KIF14: variants seen among roughly 807,000 people sequenced by gnomAD.
The protein encoded by KIF14 is kinesin family member 14.
A neutral mutation model predicts 176.2 loss-of-function variants in KIF14; 98 were observed. The ratio of observed to expected loss-of-function variants is 0.56; its 90% confidence interval spans 0.47 to 0.66. The LOEUF is 0.66. Among genes scored for constraint, KIF14 ranks in the 30% least tolerant of loss-of-function variants. The probability of loss-of-function intolerance (pLI) is 0.00; values close to 1 mark genes in which losing one functional copy is unlikely to be tolerated. For synonymous variants in KIF14, 566 were observed against 632.2 expected (o/e 0.90, Z 1.57); for missense variants, 1,751 against 1,920.4 (o/e 0.91, Z 1.65).
At chr1:200,614,193 A>C (rs1220323386) in intron 4 of KIF14, 125 bp downstream of exon 4, 1 of 561,684 alleles carries the variant, frequency 1.8e-6, no homozygotes, top group Non-Finnish European at 3.1e-6. Flanking sequence ...TGTTCCAAAG[A>C]AGAGTGATCT....
Position 200,615,610 on chromosome 1 carries a change from C to T in KIF14, c.1113-1G>A. 1 of 1,600,372 alleles carries T rather than the reference C, an allele frequency of 6.2e-7. No individual in the cohort carries two copies. Among genetic ancestry groups the T allele is most frequent in the Non-Finnish European group, 8.5e-7 (1 of 1,174,630 alleles). ...CTGGGATGCTTTTTCAATCTTCTCTCTTGAAAGAAGCACAAAGAAAAAAAT... is the reference window on the plus strand; with the variant it reads ...CTGGGATGCTTTTTCAATCTTCTCTTTTGAAAGAAGCACAAAGAAAAAAAT... On this transcript the variant is annotated splice_acceptor_variant, in intron 2 of 29. Coordinates refer to ENST00000367350, the MANE Select transcript of KIF14 (RefSeq NM_014875.3). LOFTEE classifies it high-confidence loss of function.
At chr1:200,557,982 G>A (rs1364136998) in intron 27 of KIF14, among the ~76,000 whole-genome samples, 1 of 152,186 alleles carries the variant, frequency 6.6e-6, no homozygotes, top group African/African-American at 2.4e-5. Context: ...TTGAGACAAG[G>A]TCTTGCTCTG....
At chr1:200,620,200 G>A (rs370657807) in intron 1 of KIF14, among the ~76,000 whole-genome samples, 8 of 152,154 alleles carry the variant, frequency 5.3e-5, no homozygotes, top group East Asian at 1.9e-4. Context: ...TGAATTTAAA[G>A]GCAAAAAGAA....
chr1:200,557,362 A>G (rs1468069721), intron 27 of KIF14, among the ~76,000 whole-genome samples: 2 of 152,242 alleles, frequency 1.3e-5, no homozygotes, highest in African/African-American at 4.8e-5. Flanking sequence ...ATGTTGAGAA[A>G]AAGAGAACAC....
At chr1:200,598,128 A>G (rs1469093951) in intron 14 of KIF14, 109 bp downstream of exon 14, 2 of 931,842 alleles carry the variant, frequency 2.1e-6, no homozygotes, top group Non-Finnish European at 3.3e-6. Context: ...ATGGGTTTGA[A>G]GAATTCTACC....
In KIF14 at chr1:200,605,250, C is replaced by T. The variant is rs190422708; in HGVS notation, c.1746+33G>A. 172 of 1,557,556 alleles carry T rather than the reference C, an allele frequency of 1.1e-4. No individual in the cohort carries two copies. The African/African-American group carries it at 2.0e-3, about 19-fold the overall frequency. Reference sequence around the variant, plus strand: ...GTCTGGGTTATCACCAGGGTGAAAACTGAAAGAGATCGGGAACTTTTAAAA... The same window carrying T: ...GTCTGGGTTATCACCAGGGTGAAAATTGAAAGAGATCGGGAACTTTTAAAA... On this transcript the variant is annotated intron_variant, in intron 8 of 29. Coordinates refer to ENST00000367350, the MANE Select transcript of KIF14 (RefSeq NM_014875.3).
intron 21 of KIF14, among the ~76,000 whole-genome samples, chr1:200,576,292 C>G (rs1052199691): frequency 6.6e-6 from 1 of 151,942 alleles, no homozygotes; most frequent in Middle Eastern, 3.2e-3. Context: ...TCCTGGCTAA[C>G]ACGGTGAAAC....
In KIF14 at chr1:200,615,480, A is replaced by G. The variant is rs1049117321; in HGVS notation, c.1242T>C (p.His414=). The G allele has an allele frequency of 6.8e-6, 11 of 1,614,158 alleles. No homozygotes were observed. The highest frequency in any genetic ancestry group is 8.5e-6 in the Non-Finnish European group (10 of 1,180,008). Residue 414 remains histidine, a synonymous_variant, in exon 3 of 30, where the codon CAT becomes CAC. Coordinates refer to ENST00000367350, the MANE Select transcript of KIF14 (RefSeq NM_014875.3). ...CAGTTGTCTGGCTAGCGTAGTGAGG[A>G]TGACATTCATCAAAAGACCAGAATG... The part of the protein sequence containing the change: ...DVSFWSFDEC[H]PHYASQTTVY...
chr1:200,561,001 C>T (rs1001689310), intron 25 of KIF14, 121 bp from the exon 26 acceptor site: 17 of 801,396 alleles, frequency 2.1e-5, no homozygotes, highest in East Asian at 1.5e-4. Flanking sequence ...GAGGCCGAGG[C>T]GGGTGGATCG....
At position 200,558,128 on chromosome 1, in the gene KIF14, G is replaced by A. The variant is rs566165797; in HGVS notation, c.4353+1202C>T. ...ATGCCACCATGTCTGGCTAATTTCT[G>A]TATTTTTTGTAGAGACAAGGTCTCA... On this transcript the variant is annotated intron_variant, in intron 27 of 29. Transcript: ENST00000367350. Among the ~76,000 whole-genome samples, 24 of 152,244 alleles carry A rather than the reference G, an allele frequency of 1.6e-4. No homozygotes were observed. The South Asian group carries it at 5.0e-3, about 32-fold the overall frequency.
chr1:200,585,711 T>C (rs1658702003), intron 19 of KIF14, among the ~76,000 whole-genome samples: 1 of 152,168 alleles, frequency 6.6e-6, no homozygotes, highest in Non-Finnish European at 1.5e-5. Context: ...CTTCATGCTA[T>C]GTCCTCACTT....
intron 19 of KIF14, among the ~76,000 whole-genome samples, chr1:200,583,028 A>G (rs1346449625): frequency 2.0e-5 from 3 of 152,308 alleles, no homozygotes; most frequent in Non-Finnish European, 2.9e-5. Flanking sequence ...GGAGCCTGTT[A>G]AGTAACACCA....
chr1:200,610,509 CAAA>C (rs35647787), intron 4 of KIF14, among the ~76,000 whole-genome samples: 79 of 107,830 alleles, frequency 7.3e-4, no homozygotes, highest in Middle Eastern at 4.5e-3. Flanking sequence ...GACTTCCTCT[CAAA>C]AAAAAAAAAA....
Position 200,551,544 on chromosome 1 carries a change from TTTC to T in KIF14, c.*1841_*1843del, listed in dbSNP as rs1656534519. The T allele has an allele frequency of 6.6e-6, 1 of 152,200 alleles. No homozygotes were observed. The highest frequency in any genetic ancestry group is 6.5e-5 in the Admixed American group (1 of 15,286). 9.4% of individuals were successfully genotyped at this position (152,200 alleles called of 1,614,324 possible). On this transcript the variant is annotated 3_prime_UTR_variant, in exon 30 of 30. Transcript: ENST00000367350. ...TATTAAAGGCATTCTCTTTATAACA[TTTC>T]TTGTCAGTGCACATAATTCCAATAG...
chr1:200,606,912 T>G lies in KIF14; in HGVS notation c.1555-114A>C, dbSNP rs989890039. ...AGGTAAGAGATTTGTCTTTATTTTA[T>G]CCAGGAAAAAAAAAAACCACAAAAA... On this transcript the variant is annotated intron_variant, in intron 5 of 29. Coordinates refer to ENST00000367350, the MANE Select transcript of KIF14 (RefSeq NM_014875.3). The G allele has an allele frequency of 1.0e-5, 9 of 872,308 alleles. No individual in the cohort carries two copies. In the African/African-American group the frequency reaches 1.6e-4, roughly 15 times the overall value. 54.0% of individuals were successfully genotyped at this position (872,308 alleles called of 1,614,324 possible). A position where few individuals can be genotyped will look rare whatever the true frequency, so the allele number is the denominator to read the frequency against.
rs189068667 is a variant in KIF14 at position 200,569,291 on chromosome 1, C to T, written c.3661+620G>A. Among the ~76,000 whole-genome samples, 95 of 151,836 alleles carry T rather than the reference C, an allele frequency of 6.3e-4. 1 individual carries two copies. Among genetic ancestry groups the T allele is most frequent in the African/African-American group, 2.1e-3 (87 of 41,408 alleles). On this transcript the variant is annotated intron_variant, in intron 23 of 29. Coordinates refer to ENST00000367350, the MANE Select transcript of KIF14 (RefSeq NM_014875.3). Reference sequence around the variant, plus strand: ...TACACATATAAAATTTACAGTGTATCCTCTCCTCCTACATTTTAAAATAAC... The same window carrying T: ...TACACATATAAAATTTACAGTGTATTCTCTCCTCCTACATTTTAAAATAAC...
At chr1:200,590,048 A>G in intron 17 of KIF14, 77 bp downstream of exon 17, 2 of 1,423,570 alleles carry the variant, frequency 1.4e-6, no homozygotes, top group Non-Finnish European at 1.9e-6. Flanking sequence ...TTATAGGGAC[A>G]TAATCAACTT....
chr1:200,572,682 TA>T (rs1297697725), intron 22 of KIF14, among the ~76,000 whole-genome samples: 1 of 152,238 alleles, frequency 6.6e-6, no homozygotes, highest in Non-Finnish European at 1.5e-5. Flanking sequence ...TTAATGGTCA[TA>T]TTGTGATTTA....
At chr1:200,620,240 C>G (rs959415703) in intron 1 of KIF14, among the ~76,000 whole-genome samples, 171 bp downstream of exon 1, 1 of 152,188 alleles carries the variant, frequency 6.6e-6, no homozygotes, top group Non-Finnish European at 1.5e-5. Flanking sequence ...CAACTAAAAA[C>G]CATTTGCGAT....
Sources: gnomAD v4.1 joint callset for allele counts (sites outside exome capture counted in the v4.1 genomes callset) on GRCh38, gnomAD v4.1.1 for gene constraint, MANE v1.5 for transcripts, NCBI Gene and HGNC (gene_info 2026-07-23, HGNC 2026-07-21) for gene names.